Variants in ESR1 observed in about 807,000 individuals in gnomAD.
ESR1 encodes estrogen receptor.
Under a neutral mutation model 52.7 loss-of-function variants are expected in ESR1, and 12 were observed. The observed-to-expected ratio is 0.23, with a 90% CI of 0.15 to 0.37. The LOEUF (loss-of-function observed/expected upper bound fraction) is 0.37, where lower values mean the gene tolerates loss of function less well. Among genes scored for constraint, ESR1 ranks in the 10% least tolerant of loss-of-function variants. ESR1 has a pLI of 1.00. For missense variants in ESR1, 584 were observed against 779.7 expected, an observed-to-expected ratio of 0.75 and a Z score of 2.99; for synonymous variants, 305 against 316.8, an observed-to-expected ratio of 0.96 and a Z score of 0.39.
chr6:151,855,380 C>T (rs1261567125), intron 2 of ESR1, among the ~76,000 whole-genome samples: 2 of 152,078 alleles, frequency 1.3e-5, no homozygotes, highest in South Asian at 2.1e-4. Flanking sequence ...TGCCTGCAGG[C>T]CAGCCCCATT....
intron 1 of ESR1, among the ~76,000 whole-genome samples, chr6:151,662,945 T>A (rs1164008966): frequency 2.0e-5 from 3 of 152,222 alleles, no homozygotes; most frequent in Non-Finnish European, 4.4e-5. Flanking sequence ...AAAGCATGCT[T>A]AAACTCTAAC....
intron 3 of ESR1, among the ~76,000 whole-genome samples, chr6:151,901,204 C>A (rs1796627149): frequency 6.6e-6 from 1 of 152,126 alleles, no homozygotes; most frequent in Non-Finnish European, 1.5e-5. Flanking sequence ...CTGCGTCATG[C>A]AGGCTGTCAG....
At chr6:152,106,208 A>G (rs886552203), downstream of ESR1, among the ~76,000 whole-genome samples, 2 of 152,226 alleles carry the variant, frequency 1.3e-5, no homozygotes. Flanking sequence ...TACCACATAT[A>G]TTATATCTAT....
intron 4 of ESR1, among the ~76,000 whole-genome samples, chr6:151,955,352 C>A (rs2128571322): frequency 6.6e-6 from 1 of 152,240 alleles, no homozygotes; most frequent in African/African-American, 2.4e-5. Context: ...TACCATTAAA[C>A]TGCATACATA....
At chr6:151,710,570 T>G (rs761547426) in intron 2 of ESR1, among the ~76,000 whole-genome samples, 7 of 152,058 alleles carry the variant, frequency 4.6e-5, no homozygotes, top group Non-Finnish European at 1.0e-4. Context: ...TATGGTAAAT[T>G]GAATTTTTTT....
intron 5 of ESR1, among the ~76,000 whole-genome samples, chr6:152,047,829 A>G (rs913298294): frequency 6.6e-6 from 1 of 152,114 alleles, no homozygotes; most frequent in African/African-American, 2.4e-5. Context: ...GGGGGAATTA[A>G]GACCTCTTCC....
At chr6:151,865,335 A>G (rs1789689119) in intron 2 of ESR1, among the ~76,000 whole-genome samples, 1 of 152,324 alleles carries the variant, frequency 6.6e-6, no homozygotes, top group African/African-American at 2.4e-5. Context: ...ATATTAGTCC[A>G]TAGTATGGAG....
intron 3 of ESR1, among the ~76,000 whole-genome samples, chr6:151,920,460 A>G (rs1471541503): frequency 6.6e-6 from 1 of 152,118 alleles, no homozygotes; most frequent in East Asian, 1.9e-4. Flanking sequence ...TAATGAACCA[A>G]TATTGTTTCA....
At chr6:151,824,213 T>C (rs1347036195) in intron 1 of ESR1, among the ~76,000 whole-genome samples, 1 of 152,104 alleles carries the variant, frequency 6.6e-6, no homozygotes, top group Non-Finnish European at 1.5e-5. Context: ...TGCATTTCTC[T>C]GATGGCCAGT....
chr6:152,077,762 G>A (rs943381576), intron 6 of ESR1, among the ~76,000 whole-genome samples: 1 of 152,210 alleles, frequency 6.6e-6, no homozygotes, highest in Non-Finnish European at 1.5e-5. Context: ...TGTGGGCCCT[G>A]TAACCCCTTT....
At chr6:151,759,438 C>T (rs1009718805) in intron 2 of ESR1, among the ~76,000 whole-genome samples, 4 of 151,906 alleles carry the variant, frequency 2.6e-5, no homozygotes, top group East Asian at 1.9e-4. Context: ...GTGGGTGCAG[C>T]GCACCAGCAT....
rs527433445 is a variant in ESR1 at position 151,937,729 on chromosome 6, C to T, written c.761-6444C>T. ...TAATAATCTATAATTACATAAATTA[C>T]GTAGTGTAATGATATATCATGATAT... On this transcript the variant is annotated intron_variant, in intron 3 of 7. Coordinates refer to ENST00000206249, the MANE Select transcript of ESR1 (RefSeq NM_000125.4). Among the ~76,000 whole-genome samples the T allele has an allele frequency of 7.9e-5, 12 of 152,224 alleles. No homozygotes were observed. The South Asian group carries it at 8.3e-4, about 11-fold the overall frequency.
chr6:151,984,526 T>G (rs978894478), intron 4 of ESR1, among the ~76,000 whole-genome samples: 12 of 152,124 alleles, frequency 7.9e-5, no homozygotes, highest in African/African-American at 2.4e-4. Flanking sequence ...ACACAATGAT[T>G]TTTCCCTCTG....
At chr6:151,867,162 C>T (rs576662608) in intron 2 of ESR1, among the ~76,000 whole-genome samples, 1 of 152,168 alleles carries the variant, frequency 6.6e-6, no homozygotes, top group South Asian at 2.1e-4. Flanking sequence ...CATAAAAACC[C>T]TAGAAGAAAA....
At chr6:151,657,090 T>G (rs1467250804) in intron 1 of ESR1, among the ~76,000 whole-genome samples, 1 of 152,216 alleles carries the variant, frequency 6.6e-6, no homozygotes, top group Non-Finnish European at 1.5e-5. Flanking sequence ...GTCTATATCT[T>G]ACACAGGGGG....
intron 4 of ESR1, among the ~76,000 whole-genome samples, chr6:151,971,644 A>G (rs191253983): frequency 3.4e-4 from 52 of 152,322 alleles, no homozygotes; most frequent in African/African-American, 1.2e-3. Flanking sequence ...AACCTCTGGG[A>G]TACAGCAAAA....
chr6:152,005,470 A>G (rs2042257775), intron 4 of ESR1, among the ~76,000 whole-genome samples: 1 of 152,076 alleles, frequency 6.6e-6, no homozygotes, highest in Admixed American at 6.6e-5. Flanking sequence ...GCCCAATTTA[A>G]GTTTGAAGTT....
intron 4 of ESR1, among the ~76,000 whole-genome samples, chr6:151,999,284 A>G (rs1231975710): frequency 3.3e-5 from 5 of 152,122 alleles, no homozygotes; most frequent in Admixed American, 2.0e-4. Context: ...TAAGGCTTGC[A>G]TTTACATTTA....
chr6:151,714,700 C>T (rs184453333), intron 2 of ESR1, among the ~76,000 whole-genome samples: 61 of 152,172 alleles, frequency 4.0e-4, no homozygotes, highest in Middle Eastern at 3.4e-3. Context: ...GTAAATCTTC[C>T]GCCATTCCTT....
Sources: allele counts gnomAD v4.1 joint callset (sites outside exome capture counted in the v4.1 genomes callset), GRCh38; gene constraint gnomAD v4.1.1; transcripts MANE v1.5; gene names NCBI Gene and HGNC (gene_info 2026-07-23, HGNC 2026-07-21).